PDXDC1: variants seen among roughly 807,000 people sequenced by gnomAD.
PDXDC1 encodes pyridoxal dependent decarboxylase domain containing 1.
Under a neutral mutation model 100.1 loss-of-function variants are expected in PDXDC1, and 42 were observed. The observed-to-expected ratio is 0.42, with a 90% CI of 0.33 to 0.54. The LOEUF (loss-of-function observed/expected upper bound fraction) is 0.54, where lower values mean the gene tolerates loss of function less well. Ranked by LOEUF, PDXDC1 falls within the 20% of genes least tolerant of loss-of-function variation. The pLI, the probability that PDXDC1 is intolerant of heterozygous loss-of-function variation, is 0.10. For missense variants in PDXDC1, 636 were observed against 979.2 expected (o/e 0.65, Z 4.68); for synonymous variants, 260 against 371.7 (o/e 0.70, Z 3.46).
At chr16:15,066,823 T>C (rs1422347880) in intron 16 of PDXDC1, among the ~76,000 whole-genome samples, 1 of 151,582 alleles carries the variant, frequency 6.6e-6, no homozygotes, top group Non-Finnish European at 1.5e-5. Flanking sequence ...ATTTACCATA[T>C]CTGTACCTAG....
At chr16:15,057,102 G>C (rs2151744267) in intron 16 of PDXDC1, among the ~76,000 whole-genome samples, 1 of 152,264 alleles carries the variant, frequency 6.6e-6, no homozygotes, top group South Asian at 2.1e-4. Flanking sequence ...ACATGATACA[G>C]CAGAAACTTT....
At chr16:15,071,260 A>T (rs201910393) in intron 16 of PDXDC1, 3 of 1,601,470 alleles carry the variant, frequency 1.9e-6, no homozygotes, top group Non-Finnish European at 2.6e-6. Flanking sequence ...CCCTATAAAA[A>T]GAGAGGGCGT....
At chr16:15,088,977 A>G (rs1459221192) in intron 16 of PDXDC1, among the ~76,000 whole-genome samples, 1 of 152,022 alleles carries the variant, frequency 6.6e-6, no homozygotes, top group African/African-American at 2.4e-5. Flanking sequence ...ATCTATGATG[A>G]TTCTGGGTAA....
In PDXDC1 at chr16:15,006,513, A is replaced by C; in HGVS notation, c.509A>C (p.Tyr170Ser). The C allele has an allele frequency of 6.2e-7, 1 of 1,608,594 alleles. No individual in the cohort carries two copies. The highest frequency in any genetic ancestry group is 8.5e-7 in the Non-Finnish European group (1 of 1,175,812). ...DFVVDGFNVL[Y>S]NKKPVIYLSA... ...GTAGTGGATGGCTTCAATGTGTTAT[A>C]TAACAAGAAGCCTGTCATATATCTT... Residue 170 changes from tyrosine (Y) to serine (S), a missense_variant, in exon 6 of 23, where the codon TAT becomes TCT. By Grantham distance (144) the Tyr-to-Ser change is moderately radical. Around this residue, in one of 4 missense-constraint regions of PDXDC1, gnomAD observed 125 missense variants for 479.9 expected, o/e 0.26. Transcript: ENST00000396410.
Position 15,036,104 on chromosome 16 carries a change from G to A in PDXDC1, c.2196G>A (p.Val732=), listed in dbSNP as rs753880541. 21 of 1,614,128 alleles carry A rather than the reference G, an allele frequency of 1.3e-5. No individual in the cohort carries two copies. The highest frequency in any genetic ancestry group is 1.7e-5 in the Non-Finnish European group (20 of 1,180,018). Residue 732 remains valine, a synonymous_variant, in exon 23 of 23, where the codon GTG becomes GTA. Coordinates refer to ENST00000396410, the MANE Select transcript of PDXDC1 (RefSeq NM_015027.4). ...SVSHIEDLEK[V]ERLSSGPEQI... ...GTCACATTGAAGACTTAGAAAAGGTGGAGCGCCTATCCAGTGGGCCGGAGC... is the reference window on the plus strand; with the variant it reads ...GTCACATTGAAGACTTAGAAAAGGTAGAGCGCCTATCCAGTGGGCCGGAGC...
chr16:15,005,889 A>T (rs1196353412), intron 5 of PDXDC1, among the ~76,000 whole-genome samples: 10 of 152,260 alleles, frequency 6.6e-5, no homozygotes, highest in African/African-American at 1.9e-4. Flanking sequence ...TTGTTTCACC[A>T]TGTTAGCTAG....
At chr16:15,074,463 T>C (rs2045367445) in intron 16 of PDXDC1, among the ~76,000 whole-genome samples, 1 of 152,188 alleles carries the variant, frequency 6.6e-6, no homozygotes, top group Admixed American at 6.5e-5. Flanking sequence ...GATCTAAAAC[T>C]GGCCAAACTC....
chr16:15,066,636 TAAA>T (rs67409412), intron 16 of PDXDC1, among the ~76,000 whole-genome samples: 5 of 105,436 alleles, frequency 4.7e-5, no homozygotes, highest in Admixed American at 1.9e-4. Flanking sequence ...TTGTCTCAAA[TAAA>T]AAAAAAAAAA....
intron 16 of PDXDC1, among the ~76,000 whole-genome samples, chr16:15,054,783 ACTACT>A (rs1452220847): frequency 4.6e-5 from 7 of 152,226 alleles, no homozygotes; most frequent in Admixed American, 3.9e-4. Context: ...AAGTGAGGAC[ACTACT>A]CTTATCTGCC....
chr16:15,070,423 G>C (rs2258449), intron 16 of PDXDC1, among the ~76,000 whole-genome samples: 11,443 of 151,498 alleles, frequency 0.076, 627 homozygotes, highest in Non-Finnish European at 0.11. Context: ...GATAAGGATG[G>C]GTGCGTAGGA....
rs2043628164 is a variant in PDXDC1 at position 15,038,266 on chromosome 16, G to T, written c.*1991G>T. On this transcript the variant is annotated 3_prime_UTR_variant, in exon 23 of 23. Transcript: ENST00000396410. ...AGCCAACCTTACTGTCCCCTGCTGT[G>T]ATAAAGATGTCAAAGTATCTTTGTT... The T allele has an allele frequency of 2.5e-6, 3 of 1,213,088 alleles. No individual in the cohort carries two copies. In the Admixed American group the frequency reaches 6.5e-5, roughly 26 times the overall value. The allele number at this position is 1,213,088 out of a possible 1,614,324, so 75.1% of individuals were successfully genotyped here.
chr16:15,083,901 A>T (rs2045806599), intron 16 of PDXDC1, among the ~76,000 whole-genome samples: 1 of 152,194 alleles, frequency 6.6e-6, no homozygotes, highest in African/African-American at 2.4e-5. Flanking sequence ...TTTTTAGTAG[A>T]GACGGGGTTT....
intron 16 of PDXDC1, among the ~76,000 whole-genome samples, chr16:15,062,068 A>C (rs554840427): frequency 6.6e-6 from 1 of 152,182 alleles, no homozygotes; most frequent in Non-Finnish European, 1.5e-5. Context: ...AGTCCCAGCT[A>C]CTCAGGAGGT....
the PDXDC1 span, among the ~76,000 whole-genome samples, chr16:15,145,434 C>A: frequency 6.6e-6 from 1 of 152,266 alleles, no homozygotes; most frequent in East Asian, 1.9e-4. Flanking sequence ...GCGCTGGCCT[C>A]ATTCCTGCCT....
chr16:15,029,065 C>G (rs746485265), intron 15 of PDXDC1, 99 bp downstream of exon 15: 1 of 1,365,666 alleles, frequency 7.3e-7, no homozygotes, highest in African/African-American at 1.4e-5. Flanking sequence ...GGAACTGAGG[C>G]CCACAGGAGG....
At chr16:15,111,218 A>G (rs977325075) in intron 16 of PDXDC1, among the ~76,000 whole-genome samples, 1 of 148,782 alleles carries the variant, frequency 6.7e-6, no homozygotes, top group African/African-American at 2.4e-5. Context: ...GCACTTTGGG[A>G]GGCCGAGGCA....
In PDXDC1 at chr16:15,133,630, G is replaced by A. The variant is rs2048211986; in HGVS notation, c.1400-5249G>A. 8 of 1,305,372 alleles carry A rather than the reference G, an allele frequency of 6.1e-6. No individual in the cohort carries two copies. The Admixed American group carries it at 1.0e-4, about 17-fold the overall frequency. 80.9% of individuals were successfully genotyped at this position (1,305,372 alleles called of 1,614,324 possible). A position where few individuals can be genotyped will look rare whatever the true frequency, so the allele number is the denominator to read the frequency against. The stretch of plus-strand genomic sequence containing the variant: ...CCTTGTAGACACAGAACTCCTCGCA[G>A]TGGCCCTGGCGACAGCGCTGCAGCA... On this transcript the variant is annotated intron_variant, in intron 16 of 16. Transcript: ENST00000535621.
chr16:14,993,311 A>G (rs1971269205), intron 1 of PDXDC1, among the ~76,000 whole-genome samples: 1 of 109,512 alleles, frequency 9.1e-6, no homozygotes, highest in Non-Finnish European at 1.7e-5. Flanking sequence ...CCCCACAACA[A>G]GCAGCAGTGT....
intron 16 of PDXDC1, among the ~76,000 whole-genome samples, chr16:15,075,965 G>C (rs190849648): frequency 6.6e-6 from 1 of 152,292 alleles, no homozygotes; most frequent in Non-Finnish European, 1.5e-5. Context: ...ACCAATGACT[G>C]ATTGACAAGG....
Sources: gnomAD v4.1 joint callset for allele counts (sites outside exome capture counted in the v4.1 genomes callset) on GRCh38, gnomAD v4.1.1 for gene constraint, gnomAD v4.1.1 regional missense constraint, MANE v1.5 for transcripts, NCBI Gene and HGNC (gene_info 2026-07-23, HGNC 2026-07-21) for gene names.